The following NECAB1 variants were observed in gnomAD, a reference collection of about 807,000 sequenced individuals.
NECAB1 encodes the protein N-terminal EF-hand calcium binding protein 1.
Under a neutral mutation model 57.5 loss-of-function variants are expected in NECAB1, and 29 were observed. That is an observed-to-expected ratio of 0.50 (90% CI 0.38 to 0.69). The LOEUF is 0.69. Among genes scored for constraint, NECAB1 ranks in the 30% least tolerant of loss-of-function variants. NECAB1 has a pLI of 0.00. For missense variants in NECAB1, 372 were observed against 413.8 expected (o/e 0.90, Z 0.88); for synonymous variants, 142 against 147.7 (o/e 0.96, Z 0.28).
At chr8:90,869,194 T>G (rs549276349) in intron 3 of NECAB1, among the ~76,000 whole-genome samples, 15 of 152,304 alleles carry the variant, frequency 9.8e-5, no homozygotes, top group Admixed American at 7.2e-4. Flanking sequence ...AGAGGATGAA[T>G]GGAAATGCCT....
intron 4 of NECAB1, among the ~76,000 whole-genome samples, chr8:90,876,497 C>T (rs779664226): frequency 1.1e-4 from 17 of 152,014 alleles, no homozygotes; most frequent in Non-Finnish European, 7.4e-5. Context: ...CCAGTTTCCA[C>T]TGAGACTTTT....
At chr8:90,869,968 T>G (rs1808591723) in intron 3 of NECAB1, among the ~76,000 whole-genome samples, 1 of 152,132 alleles carries the variant, frequency 6.6e-6, no homozygotes, top group African/African-American at 2.4e-5. Context: ...TGGTGGGACG[T>G]GATTGGGTCA....
chr8:90,791,824 C>G lies in NECAB1; in HGVS notation c.-63C>G, dbSNP rs1563488106. 2.9e-6 allele frequency: 4 copies of G among 1,378,200 alleles called. No individual in the cohort carries two copies. The highest frequency in any genetic ancestry group is 4.0e-6 in the Non-Finnish European group (4 of 1,001,194). The allele number at this position is 1,378,200 out of a possible 1,614,324, so 85.4% of individuals were successfully genotyped here. The stretch of plus-strand genomic sequence containing the variant: ...GGCGAAGCAGCAGCTGCGGCCGCGC[C>G]CTTGCCAGAGCCGGTGCGTCCGCCT... On this transcript the variant is annotated 5_prime_UTR_variant, in exon 1 of 13. Coordinates refer to ENST00000417640, the MANE Select transcript of NECAB1 (RefSeq NM_022351.5).
Position 90,956,196 on chromosome 8 carries a change from T to C in NECAB1, c.*684T>C, listed in dbSNP as rs1811028765. On this transcript the variant is annotated 3_prime_UTR_variant, in exon 13 of 13. Coordinates refer to ENST00000417640, the MANE Select transcript of NECAB1 (RefSeq NM_022351.5). Reference sequence around the variant, plus strand: ...AACATTGTGTCATTTATTAGCATCATAATTCTTTGTTATGTAAGTTAAATA... The same window carrying C: ...AACATTGTGTCATTTATTAGCATCACAATTCTTTGTTATGTAAGTTAAATA... The C allele has an allele frequency of 6.6e-6, 1 of 152,064 alleles. No individual in the cohort carries two copies. Among genetic ancestry groups the C allele is most frequent in the South Asian group, 2.1e-4 (1 of 4,832 alleles). The allele number at this position is 152,064 out of a possible 1,614,324, so 9.4% of individuals were successfully genotyped here.
At chr8:90,803,926 G>A (rs1237552556) in intron 2 of NECAB1, among the ~76,000 whole-genome samples, 2 of 152,100 alleles carry the variant, frequency 1.3e-5, no homozygotes, top group Non-Finnish European at 2.9e-5. Flanking sequence ...CCCTTGACAG[G>A]GCCCCACCCT....
intron 7 of NECAB1, among the ~76,000 whole-genome samples, chr8:90,925,878 A>G (rs1341014298): frequency 6.6e-6 from 1 of 152,184 alleles, no homozygotes; most frequent in Non-Finnish European, 1.5e-5. Context: ...TGGAAAGCAC[A>G]CAGAGAGATG....
chr8:90,824,377 T>A (rs892757777), intron 2 of NECAB1, among the ~76,000 whole-genome samples: 5 of 151,900 alleles, frequency 3.3e-5, no homozygotes, highest in African/African-American at 9.7e-5. Flanking sequence ...AACATCTAAA[T>A]AATTGACTCT....
chr8:90,955,112 T>TTATATATATATATATATATATATATATA (rs59244524), intron 12 of NECAB1, among the ~76,000 whole-genome samples: 1 of 70,816 alleles, frequency 1.4e-5, no homozygotes, highest in African/African-American at 4.7e-5. Flanking sequence ...GGTATATAAA[T>TTATATATATATATATATATATATATATA]TATATATATA....
In NECAB1 at chr8:90,917,870, A is replaced by G. The variant is rs112172533; in HGVS notation, c.494+242A>G. 0.018 allele frequency among the ~76,000 whole-genome samples: 1,183 copies of G among 64,266 alleles called. 80 individuals are homozygous for G. The highest frequency in any genetic ancestry group is 0.055 in the African/African-American group (527 of 9,580). 42.2% of individuals were successfully genotyped at this position (64,266 alleles called of 152,430 possible). A position where few individuals can be genotyped will look rare whatever the true frequency, so the allele number is the denominator to read the frequency against. ...TATATATATATATATATATATATATATGTGTGTGTGTGCGTGTATATATAT... is the reference window on the plus strand; with the variant it reads ...TATATATATATATATATATATATATGTGTGTGTGTGTGCGTGTATATATAT... On this transcript the variant is annotated intron_variant, in intron 6 of 12. Transcript: ENST00000417640.
chr8:90,891,673 G>T (rs187228724), intron 5 of NECAB1, among the ~76,000 whole-genome samples: 1 of 151,552 alleles, frequency 6.6e-6, no homozygotes, highest in Non-Finnish European at 1.5e-5. Flanking sequence ...ACTGAATGCT[G>T]TCCTAGTCAA....
chr8:90,860,247 T>G (rs927965811), intron 3 of NECAB1, among the ~76,000 whole-genome samples: 7 of 151,160 alleles, frequency 4.6e-5, no homozygotes, highest in Non-Finnish European at 8.8e-5. Flanking sequence ...TCTTTTTTTT[T>G]TTTTTTTAAC....
At chr8:90,898,903 A>G (rs1295481034) in intron 5 of NECAB1, among the ~76,000 whole-genome samples, 3 of 152,160 alleles carry the variant, frequency 2.0e-5, no homozygotes, top group Non-Finnish European at 4.4e-5. Context: ...GTATTTATGG[A>G]ATACTGTGTC....
At chr8:90,939,923 A>T (rs1378945784) in intron 9 of NECAB1, among the ~76,000 whole-genome samples, 1 of 152,202 alleles carries the variant, frequency 6.6e-6, no homozygotes, top group African/African-American at 2.4e-5. Flanking sequence ...CATATTCTAG[A>T]TCATCCTTAC....
At chr8:90,859,522 G>A (rs1250776346) in intron 3 of NECAB1, among the ~76,000 whole-genome samples, 1 of 152,160 alleles carries the variant, frequency 6.6e-6, no homozygotes, top group Non-Finnish European at 1.5e-5. Flanking sequence ...GAAGCAAGTG[G>A]TTGGTTAGTC....
At chr8:90,870,012 T>C (rs1380361244) in intron 3 of NECAB1, among the ~76,000 whole-genome samples, 67 of 152,278 alleles carry the variant, frequency 4.4e-4, no homozygotes, top group African/African-American at 1.4e-3. Flanking sequence ...GTTCTTGTGA[T>C]AGTGAGTAAG....
chr8:90,920,455 T>G (rs1456215676), intron 6 of NECAB1, among the ~76,000 whole-genome samples: 2 of 152,218 alleles, frequency 1.3e-5, no homozygotes, highest in Non-Finnish European at 2.9e-5. Flanking sequence ...GAGGAAAAGA[T>G]AGAGAGAGAA....
chr8:90,844,384 G>A (rs896406966), intron 3 of NECAB1, among the ~76,000 whole-genome samples: 9 of 152,068 alleles, frequency 5.9e-5, no homozygotes, highest in African/African-American at 2.2e-4. Flanking sequence ...GATCCTAAGG[G>A]TCCCTATAGT....
intron 3 of NECAB1, among the ~76,000 whole-genome samples, chr8:90,843,186 A>G (rs1374677139): frequency 1.3e-5 from 2 of 152,146 alleles, no homozygotes; most frequent in Non-Finnish European, 2.9e-5. Context: ...CAGGAAGGGG[A>G]AAAACCCACC....
intron 3 of NECAB1, among the ~76,000 whole-genome samples, chr8:90,861,427 T>G (rs1404642788): frequency 6.6e-6 from 1 of 152,220 alleles, no homozygotes; most frequent in African/African-American, 2.4e-5. Context: ...ATGCATTTAT[T>G]ATCTTTACCT....
Sources: allele counts gnomAD v4.1 joint callset (sites outside exome capture counted in the v4.1 genomes callset), GRCh38; gene constraint gnomAD v4.1.1; transcripts MANE v1.5; gene names NCBI Gene and HGNC (gene_info 2026-07-23, HGNC 2026-07-21).